Variants in ST8SIA6 observed in about 807,000 individuals in gnomAD.
The protein encoded by ST8SIA6 is alpha-2,8-sialyltransferase 8F.
A neutral mutation model predicts 33.6 loss-of-function variants in ST8SIA6; 39 were observed. That is an observed-to-expected ratio of 1.16 (90% CI 0.90 to 1.52). The LOEUF (loss-of-function observed/expected upper bound fraction) is 1.52. ST8SIA6 is among the 40% of genes most tolerant of loss of function. ST8SIA6 has a pLI of 0.00. For missense variants in ST8SIA6, 441 were observed against 443.8 expected, an observed-to-expected ratio of 0.99 and a Z score of 0.06; for synonymous variants, 172 against 167.2, an observed-to-expected ratio of 1.03 and a Z score of -0.22.
intron 6 of ST8SIA6, among the ~76,000 whole-genome samples, chr10:17,323,441 G>A (rs1428221076): frequency 7.1e-6 from 1 of 141,306 alleles, no homozygotes. Flanking sequence ...CTGTTGCCTA[G>A]GCTGGAGTGT....
chr10:17,426,241 C>G (rs947458344), intron 2 of ST8SIA6, among the ~76,000 whole-genome samples: 7 of 152,274 alleles, frequency 4.6e-5, no homozygotes, highest in African/African-American at 1.7e-4. Context: ...ACATTGCCAT[C>G]CATCTCCTTA....
intron 3 of ST8SIA6, among the ~76,000 whole-genome samples, chr10:17,378,826 A>C (rs1014699211): frequency 6.6e-6 from 1 of 152,086 alleles, no homozygotes; most frequent in African/African-American, 2.4e-5. Context: ...TTAAGAAGGG[A>C]TTAAAGGAGG....
At chr10:17,351,661 A>G (rs974747079) in intron 4 of ST8SIA6, among the ~76,000 whole-genome samples, 5 of 151,976 alleles carry the variant, frequency 3.3e-5, no homozygotes, top group African/African-American at 1.2e-4. Context: ...GTGTCCATCA[A>G]TGGCTGAATG....
At chr10:17,412,638 A>G (rs1228739110) in intron 2 of ST8SIA6, among the ~76,000 whole-genome samples, 1 of 152,186 alleles carries the variant, frequency 6.6e-6, no homozygotes, top group Non-Finnish European at 1.5e-5. Context: ...CTAAACCTGC[A>G]TTTTCCTAAT....
intron 3 of ST8SIA6, among the ~76,000 whole-genome samples, chr10:17,372,738 T>C (rs1849776832): frequency 6.6e-6 from 1 of 152,234 alleles, no homozygotes; most frequent in Non-Finnish European, 1.5e-5. Flanking sequence ...TGTAACAAAT[T>C]ACTCCAAAAC....
chr10:17,352,898 G>T (rs1457413860), intron 4 of ST8SIA6, among the ~76,000 whole-genome samples: 11 of 151,864 alleles, frequency 7.2e-5, no homozygotes, highest in Admixed American at 7.2e-4. Context: ...AGGAAACAAA[G>T]AAAAAAGCTT....
chr10:17,421,567 CTTAATTTTTTTTTAAGACTGGGTCTTGCT>C (rs531057985), intron 2 of ST8SIA6, among the ~76,000 whole-genome samples: 2,107 of 152,154 alleles, frequency 0.014, 26 homozygotes, highest in Non-Finnish European at 0.022. Flanking sequence ...AAGTCTTAAA[CTTAATTTTTTTTTAAGACTGGGTCTTGCT>C]TTGTTGCTCA....
chr10:17,333,710 T>TATAG (rs1848399468), intron 4 of ST8SIA6, among the ~76,000 whole-genome samples: 1 of 35,090 alleles, frequency 2.8e-5, no homozygotes, highest in Admixed American at 3.8e-4. Flanking sequence ...TATATATATA[T>TATAG]ATATATATTT....
intron 4 of ST8SIA6, among the ~76,000 whole-genome samples, chr10:17,331,893 T>A (rs543993290): frequency 6.6e-6 from 1 of 152,312 alleles, no homozygotes; most frequent in African/African-American, 2.4e-5. Flanking sequence ...TAACCCGTCA[T>A]CTAGGTTTTA....
chr10:17,347,011 C>A (rs538640094), intron 4 of ST8SIA6, among the ~76,000 whole-genome samples: 1 of 152,154 alleles, frequency 6.6e-6, no homozygotes, highest in Non-Finnish European at 1.5e-5. Context: ...AGCAGAAATA[C>A]CTCTTCTCTG....
chr10:17,356,910 G>A (rs1849211510), intron 4 of ST8SIA6, among the ~76,000 whole-genome samples: 1 of 151,942 alleles, frequency 6.6e-6, no homozygotes, highest in Non-Finnish European at 1.5e-5. Context: ...CCAAAAAAAA[G>A]AAAGGAAAGG....
chr10:17,380,867 T>TATG (rs1850119928), intron 3 of ST8SIA6, among the ~76,000 whole-genome samples: 2 of 121,510 alleles, frequency 1.6e-5, no homozygotes, highest in Admixed American at 8.7e-5. Flanking sequence ...GTGTATGTGT[T>TATG]TGTATGTGTA....
intron 3 of ST8SIA6, among the ~76,000 whole-genome samples, chr10:17,379,762 C>T (rs1016347337): frequency 1.3e-5 from 2 of 152,100 alleles, no homozygotes; most frequent in Non-Finnish European, 2.9e-5. Flanking sequence ...AAGCTATGCC[C>T]GACCACCTTG....
At position 17,418,993 on chromosome 10, in the gene ST8SIA6, CAAA is replaced by C. The variant is rs910044275; in HGVS notation, c.201-28376_201-28374del. ...GGGCAATAAGAGCAAGGCTCCATCTCAAAAAAAAAAAAAAAAAAAAAAGAAAAA... is the reference window on the plus strand; with the variant it reads ...GGGCAATAAGAGCAAGGCTCCATCTCAAAAAAAAAAAAAAAAAAAGAAAAA... On this transcript the variant is annotated intron_variant, in intron 2 of 7. Coordinates refer to ENST00000377602, the MANE Select transcript of ST8SIA6 (RefSeq NM_001004470.3). Among the ~76,000 whole-genome samples, 175 of 56,142 alleles carry C rather than the reference CAAA, an allele frequency of 3.1e-3. 1 individual carries two copies. In the East Asian group the frequency reaches 0.045, roughly 14 times the overall value. 36.8% of individuals were successfully genotyped at this position (56,142 alleles called of 152,430 possible). A position where few individuals can be genotyped will look rare whatever the true frequency, so the allele number is the denominator to read the frequency against.
At chr10:17,355,074 A>G (rs1212898691) in intron 4 of ST8SIA6, among the ~76,000 whole-genome samples, 2 of 152,212 alleles carry the variant, frequency 1.3e-5, no homozygotes, top group Non-Finnish European at 1.5e-5. Context: ...AGAAAGTTAA[A>G]ATAAAATTGC....
intron 5 of ST8SIA6, among the ~76,000 whole-genome samples, chr10:17,330,525 T>G (rs10904930): frequency 0.33 from 50,461 of 152,006 alleles, 9,433 homozygotes; most frequent in African/African-American, 0.49. Context: ...CAGCTAGTTA[T>G]TCTTCCTCTA....
chr10:17,322,933 T>C (rs1408340306), intron 7 of ST8SIA6, 132 bp downstream of exon 7: 14 of 699,314 alleles, frequency 2.0e-5, no homozygotes, highest in African/African-American at 1.6e-4. Flanking sequence ...TGAATTCTTA[T>C]ATATTTTTCC....
At chr10:17,453,762 C>T in intron 1 of ST8SIA6, 105 bp from the exon 2 acceptor site, 4 of 908,758 alleles carry the variant, frequency 4.4e-6, no homozygotes, top group Non-Finnish European at 5.9e-6. Flanking sequence ...CTCGCACTCC[C>T]CGGCTCCCAG....
chr10:17,323,392 C>CTTTT (rs760856694), intron 6 of ST8SIA6, among the ~76,000 whole-genome samples: 2 of 111,886 alleles, frequency 1.8e-5, no homozygotes, highest in Non-Finnish European at 3.5e-5. Flanking sequence ...AAATATACAC[C>CTTTT]TTTTTTTTTT....
Sources: allele counts gnomAD v4.1 joint callset (sites outside exome capture counted in the v4.1 genomes callset), GRCh38; gene constraint gnomAD v4.1.1; transcripts MANE v1.5; gene names NCBI Gene and HGNC (gene_info 2026-07-23, HGNC 2026-07-21).